GON4L: variants seen among roughly 807,000 people sequenced by gnomAD.
GON4L encodes the protein gon-4 like, also known as GON-4-like protein.
In GON4L, 87 loss-of-function variants were observed where a neutral mutation model predicts 211.8. The ratio of observed to expected loss-of-function variants is 0.41; its 90% CI spans 0.35 to 0.49. The LOEUF (loss-of-function observed/expected upper bound fraction) is 0.49, where lower values mean the gene tolerates loss of function less well. Ranked by LOEUF, GON4L falls within the 20% of genes least tolerant of loss-of-function variation. The pLI is 0.15. For synonymous variants in GON4L, 875 were observed against 962.6 expected, an observed-to-expected ratio of 0.91 and a Z score of 1.68; for missense variants, 2,155 against 2,659.5, an observed-to-expected ratio of 0.81 and a Z score of 4.17.
At chr1:155,800,395 T>C (rs575231797) in intron 11 of GON4L, among the ~76,000 whole-genome samples, 60 of 148,452 alleles carry the variant, frequency 4.0e-4, no homozygotes, top group African/African-American at 1.4e-3. Context: ...CTGACTCTAC[T>C]AAAAATACAA....
At chr1:155,828,968 A>G (rs770059034) in intron 2 of GON4L, among the ~76,000 whole-genome samples, 4 of 152,168 alleles carry the variant, frequency 2.6e-5, no homozygotes, top group African/African-American at 4.8e-5. Flanking sequence ...AAGGATGCCT[A>G]AATTTTCACT....
chr1:155,823,074 C>T (rs1037805908), intron 3 of GON4L, among the ~76,000 whole-genome samples: 2 of 151,950 alleles, frequency 1.3e-5, no homozygotes, highest in Admixed American at 6.6e-5. Flanking sequence ...GGATTACAGG[C>T]ATGTGCCACC....
At position 155,764,908 on chromosome 1, in the gene GON4L, T is replaced by C. The variant is rs140449886; in HGVS notation, c.4473+92A>G. The stretch of plus-strand genomic sequence containing the variant: ...TCAAATACAAATGATTTTAGGACTA[T>C]CCATAGTGCAGCAAGCAAGCAGGTG... On this transcript the variant is annotated intron_variant, in intron 21 of 31. Transcript: ENST00000368331. The C allele has an allele frequency of 2.0e-3, 3,259 of 1,607,344 alleles. 120 individuals carry two copies. In the East Asian group the frequency reaches 0.059, roughly 29 times the overall value.
Position 155,805,113 on chromosome 1 carries a change from C to A in GON4L, c.1481G>T (p.Arg494Leu). Residue 494 changes from arginine (R) to leucine (L), a missense_variant, in exon 11 of 32, where the codon CGA (arginine) becomes CTA (leucine). By Grantham distance (102) the Arg-to-Leu change is moderately radical (BLOSUM62 -2). Around this residue, in one of 6 missense-constraint regions of GON4L, gnomAD observed 551 missense variants for 854.0 expected, o/e 0.65. Coordinates refer to ENST00000368331, the MANE Select transcript of GON4L (RefSeq NM_001282860.2). ...QPMDDSLIAFRTRSKMPLKDV... is the reference protein window; with the variant it reads ...QPMDDSLIAFLTRSKMPLKDV... ...TTTCAGGGGCATCTTAGAACGCGTT[C>A]GAAATGCAATGAGACTGTCATCCAT... 6.2e-7 allele frequency: 1 copy of A among 1,613,510 alleles called. No individual in the cohort carries two copies. The highest frequency in any genetic ancestry group is 1.1e-5 in the South Asian group (1 of 91,074).
intron 24 of GON4L, among the ~76,000 whole-genome samples, chr1:155,759,439 T>C (rs1246550177): frequency 1.3e-5 from 2 of 152,020 alleles, no homozygotes; most frequent in African/African-American, 2.4e-5. Flanking sequence ...GGCGTGGTGG[T>C]GGCGCATGCC....
At position 155,765,257 on chromosome 1, in the gene GON4L, C is replaced by T. The variant is rs1396807306; in HGVS notation, c.4216G>A (p.Val1406Met). The T allele has an allele frequency of 6.2e-7, 1 of 1,614,174 alleles. No homozygotes were observed. Among genetic ancestry groups the T allele is most frequent in the Non-Finnish European group, 8.5e-7 (1 of 1,180,014 alleles). ...PPDEGTSGTDVNKGSSKNALS... is the reference protein window; with the variant it reads ...PPDEGTSGTDMNKGSSKNALS... ...GCATTCTTTGATGATCCTTTGTTCACATCTGTCCCTGAGGTTCCTTCATCA... is the reference window on the plus strand; with the variant it reads ...GCATTCTTTGATGATCCTTTGTTCATATCTGTCCCTGAGGTTCCTTCATCA... Residue 1406 changes from valine to methionine, a missense_variant, in exon 21 of 32, where the codon GTG becomes ATG. Coordinates refer to ENST00000368331, the MANE Select transcript of GON4L (RefSeq NM_001282860.2).
chr1:155,847,293 A>T (rs1671337319), intron 2 of GON4L, among the ~76,000 whole-genome samples: 1 of 152,188 alleles, frequency 6.6e-6, no homozygotes, highest in African/African-American at 2.4e-5. Context: ...CAGGCTGGGC[A>T]TGGTGGCTCA....
intron 3 of GON4L, among the ~76,000 whole-genome samples, chr1:155,825,561 G>C (rs1669122908): frequency 8.0e-6 from 1 of 125,540 alleles, no homozygotes; most frequent in South Asian, 2.9e-4. Context: ...GACAGAGCAA[G>C]ACTCTGTCTC....
intron 13 of GON4L, 81 bp from the exon 14 acceptor site, chr1:155,784,170 A>G: frequency 6.4e-7 from 1 of 1,555,082 alleles, no homozygotes; most frequent in Non-Finnish European, 8.9e-7. Flanking sequence ...AAGAGTGAAA[A>G]CTATAGATTA....
chr1:155,827,868 GC>G (rs1318379381), intron 2 of GON4L, among the ~76,000 whole-genome samples: 1 of 152,006 alleles, frequency 6.6e-6, no homozygotes, highest in Non-Finnish European at 1.5e-5. Flanking sequence ...ATTAGGCTAG[GC>G]CAGGTGGCTC....
intron 10 of GON4L, among the ~76,000 whole-genome samples, chr1:155,809,564 CT>C (rs1168234893): frequency 7.6e-6 from 1 of 131,752 alleles, no homozygotes; most frequent in African/African-American, 2.8e-5. Context: ...AAATTATATA[CT>C]TATATATACT....
chr1:155,856,280 T>C (rs748295534), intron 1 of GON4L, among the ~76,000 whole-genome samples: 33 of 152,072 alleles, frequency 2.2e-4, no homozygotes, highest in Non-Finnish European at 3.2e-4. Context: ...CAGACCGGAG[T>C]GCAGTGGCAA....
chr1:155,796,762 A>G (rs1295571249), intron 11 of GON4L, among the ~76,000 whole-genome samples: 1 of 152,074 alleles, frequency 6.6e-6, no homozygotes, highest in Non-Finnish European at 1.5e-5. Flanking sequence ...ATTGTATTGT[A>G]TCATACAGTA....
intron 18 of GON4L, 63 bp downstream of exon 18, chr1:155,773,003 A>G (rs1386447553): frequency 1.0e-5 from 16 of 1,601,026 alleles, no homozygotes; most frequent in Non-Finnish European, 1.3e-5. Flanking sequence ...TAAACTCCTC[A>G]AAGGAACTAC....
At chr1:155,853,000 T>C (rs968980642) in intron 2 of GON4L, among the ~76,000 whole-genome samples, 1 of 151,920 alleles carries the variant, frequency 6.6e-6, no homozygotes, top group Non-Finnish European at 1.5e-5. Flanking sequence ...TAATCCTAGA[T>C]ACTTGAGAGA....
chr1:155,803,789 G>C (rs996830790), intron 11 of GON4L, among the ~76,000 whole-genome samples: 1 of 152,202 alleles, frequency 6.6e-6, no homozygotes, highest in African/African-American at 2.4e-5. Context: ...GCTTGCAGGG[G>C]AGAGTCCTGA....
chr1:155,777,216 G>A (rs888746673), intron 15 of GON4L, among the ~76,000 whole-genome samples: 3 of 152,302 alleles, frequency 2.0e-5, no homozygotes, highest in South Asian at 4.1e-4. Flanking sequence ...GTTTTAGGAG[G>A]TGGTAAGGTA....
chr1:155,803,590 C>T (rs1455823498), intron 11 of GON4L, among the ~76,000 whole-genome samples: 4 of 152,128 alleles, frequency 2.6e-5, no homozygotes, highest in Admixed American at 2.0e-4. Context: ...ATATTTCTTC[C>T]CCATTTCTGA....
chr1:155,745,189 T>C (rs1660213382), downstream of GON4L, among the ~76,000 whole-genome samples: 1 of 152,034 alleles, frequency 6.6e-6, no homozygotes, highest in Non-Finnish European at 1.5e-5. Context: ...TCCACAGAGA[T>C]GAAAAATATA....
Sources: gnomAD v4.1 joint callset for allele counts (sites outside exome capture counted in the v4.1 genomes callset) on GRCh38, gnomAD v4.1.1 for gene constraint, gnomAD v4.1.1 regional missense constraint, MANE v1.5 for transcripts, NCBI Gene and HGNC (gene_info 2026-07-23, HGNC 2026-07-21) for gene names.